The following JARID2 variants were observed in gnomAD, a reference collection of about 807,000 sequenced individuals.
The protein encoded by JARID2 is protein Jumonji.
A neutral mutation model predicts 125.6 loss-of-function variants in JARID2; 21 were observed. That is an observed-to-expected ratio of 0.17 (90% confidence interval 0.12 to 0.24). The LOEUF is 0.24. JARID2 is among the 10% of genes least tolerant of loss of function. The pLI is 1.00. For synonymous variants in JARID2, 736 were observed against 661.6 expected (o/e 1.11, Z -1.73); for missense variants, 1,303 against 1,639.6 (o/e 0.79, Z 3.55).
intron 1 of JARID2, among the ~76,000 whole-genome samples, chr6:15,368,530 A>G (rs564071936): frequency 5.0e-4 from 76 of 152,330 alleles, no homozygotes; most frequent in Non-Finnish European, 6.5e-4. Flanking sequence ...TTCACATGTA[A>G]TTTGAATGTA....
chr6:15,415,299 C>A (rs1766095263), intron 3 of JARID2, among the ~76,000 whole-genome samples: 1 of 152,248 alleles, frequency 6.6e-6, no homozygotes, highest in Admixed American at 6.5e-5. Context: ...CCGCCATTGT[C>A]ATCATGGCCC....
At chr6:15,307,276 A>G (rs1446936479) in intron 1 of JARID2, among the ~76,000 whole-genome samples, 1 of 151,890 alleles carries the variant, frequency 6.6e-6, no homozygotes, top group Non-Finnish European at 1.5e-5. Flanking sequence ...TGTTGCCCAG[A>G]CTGGAGTGCA....
chr6:15,278,447 G>A (rs1357643495), intron 1 of JARID2, among the ~76,000 whole-genome samples: 2 of 151,766 alleles, frequency 1.3e-5, no homozygotes, highest in African/African-American at 4.8e-5. Context: ...TTAGCTGGGC[G>A]TGATGGCTCA....
intron 16 of JARID2, among the ~76,000 whole-genome samples, chr6:15,515,553 T>C (rs1076636): frequency 0.67 from 102,195 of 151,890 alleles, 36,240 homozygotes; most frequent in Non-Finnish European, 0.78. Flanking sequence ...CGGGAGGCAA[T>C]GGTGGGCAGA....
At chr6:15,491,466 A>G (rs1770147038) in intron 6 of JARID2, among the ~76,000 whole-genome samples, 1 of 152,180 alleles carries the variant, frequency 6.6e-6, no homozygotes, top group Non-Finnish European at 1.5e-5. Flanking sequence ...TTTTGATTCA[A>G]GTTTTAAAGT....
At chr6:15,465,456 A>G (rs1383315361) in intron 4 of JARID2, among the ~76,000 whole-genome samples, 1 of 152,210 alleles carries the variant, frequency 6.6e-6, no homozygotes, top group East Asian at 1.9e-4. Flanking sequence ...GTCTCAAACA[A>G]TATCTTATCC....
At chr6:15,498,968 C>T (rs1343391310) in intron 7 of JARID2, among the ~76,000 whole-genome samples, 3 of 152,184 alleles carry the variant, frequency 2.0e-5, no homozygotes, top group African/African-American at 7.2e-5. Context: ...GATGATGGAG[C>T]CTCGAGAGCA....
intron 1 of JARID2, among the ~76,000 whole-genome samples, chr6:15,318,951 T>C (rs1447422061): frequency 2.6e-5 from 4 of 152,236 alleles, no homozygotes; most frequent in African/African-American, 9.6e-5. Flanking sequence ...TTCCCGCTAA[T>C]TTCTGTTTTC....
intron 1 of JARID2, chr6:15,314,886 C>A (rs970458939): frequency 2.0e-5 from 3 of 152,070 alleles, no homozygotes; most frequent in Non-Finnish European, 4.4e-5. Context: ...TTGGGGTTGC[C>A]GTTATAGAAA....
chr6:15,469,298 GTC>G (rs1442601697), intron 5 of JARID2, among the ~76,000 whole-genome samples: 1 of 28,314 alleles, frequency 3.5e-5, no homozygotes, highest in African/African-American at 1.4e-4. Flanking sequence ...CTGTCTCTCT[GTC>G]TCTGTCTCTC....
chr6:15,518,365 G>A (rs1771666522), intron 17 of JARID2, among the ~76,000 whole-genome samples: 1 of 152,200 alleles, frequency 6.6e-6, no homozygotes, highest in Admixed American at 6.5e-5. Flanking sequence ...TTCAGGGGCT[G>A]TCTGAGACCT....
chr6:15,455,712 AGTAGAGACGGGGT>A (rs1768137500), intron 4 of JARID2, among the ~76,000 whole-genome samples: 2 of 152,116 alleles, frequency 1.3e-5, no homozygotes, highest in Non-Finnish European at 2.9e-5. Flanking sequence ...TTGTATTTTT[AGTAGAGACGGGGT>A]TTCACCATGT....
At chr6:15,366,221 A>G (rs1047266855) in intron 1 of JARID2, among the ~76,000 whole-genome samples, 1 of 152,132 alleles carries the variant, frequency 6.6e-6, no homozygotes, top group Admixed American at 6.5e-5. Context: ...ACGTTCTGAA[A>G]ATAAAAGGCA....
chr6:15,491,552 C>T (rs570685698), intron 6 of JARID2, among the ~76,000 whole-genome samples: 118 of 152,362 alleles, frequency 7.7e-4, no homozygotes, highest in Non-Finnish European at 1.4e-3. Flanking sequence ...CTGGCAGAGG[C>T]CTCGGCTCAA....
intron 1 of JARID2, among the ~76,000 whole-genome samples, chr6:15,324,901 G>T (rs1762487797): frequency 6.6e-6 from 1 of 151,148 alleles, no homozygotes; most frequent in Admixed American, 6.6e-5. Flanking sequence ...TTTAAACTCT[G>T]AAAGCATTCC....
intron 9 of JARID2, 96 bp from the exon 10 acceptor site, chr6:15,507,040 C>T (rs1390746637): frequency 2.6e-6 from 2 of 772,238 alleles, no homozygotes; most frequent in Admixed American, 3.7e-5. Flanking sequence ...GGGGTGTGTG[C>T]ACCAGGCATT....
chr6:15,494,452 A>C (rs1770310234), intron 6 of JARID2, among the ~76,000 whole-genome samples: 1 of 112,690 alleles, frequency 8.9e-6, no homozygotes, highest in African/African-American at 3.5e-5. Context: ...AGTCTCGCCC[A>C]GGCTGGAGTG....
In JARID2 at chr6:15,487,506, C is replaced by T. The variant is rs143491695; in HGVS notation, c.870C>T (p.Pro290=). 11 of 1,613,848 alleles carry T rather than the reference C, an allele frequency of 6.8e-6. No individual in the cohort carries two copies. The highest frequency in any genetic ancestry group is 3.3e-5 in the Admixed American group (2 of 60,006). Residue 290 remains proline, a synonymous_variant, in exon 6 of 18, where the codon CCC becomes CCT. Transcript: ENST00000341776. ...AKGLAATHHH[P]PLHRSAQDLR... is the part of the protein sequence containing the mutation. Reference sequence around the variant, plus strand: ...GGCTTGCTGCCACCCATCACCACCCCCCTCTGCATCGGTCGGCTCAGGACT... The same window carrying T: ...GGCTTGCTGCCACCCATCACCACCCTCCTCTGCATCGGTCGGCTCAGGACT...
intron 5 of JARID2, among the ~76,000 whole-genome samples, chr6:15,472,598 A>G (rs1242744115): frequency 6.6e-6 from 1 of 152,178 alleles, no homozygotes; most frequent in Non-Finnish European, 1.5e-5. Context: ...TCCCAGAACT[A>G]CCATCTTGGG....
Sources: allele counts gnomAD v4.1 joint callset (sites outside exome capture counted in the v4.1 genomes callset), GRCh38; gene constraint gnomAD v4.1.1; transcripts MANE v1.5; gene names NCBI Gene and HGNC (gene_info 2026-07-23, HGNC 2026-07-21).